RBL1: variants seen among roughly 807,000 people sequenced by gnomAD.
RBL1 encodes the protein retinoblastoma-like protein 1.
In RBL1, 82 loss-of-function variants were observed where a neutral mutation model predicts 123.0. That is an observed-to-expected ratio of 0.67 (90% CI 0.56 to 0.80). The LOEUF is 0.80. Ranked by LOEUF, RBL1 falls within the 30% of genes least tolerant of loss-of-function variation. The pLI is 0.00. For missense variants in RBL1, 1,171 were observed against 1,299.6 expected (o/e 0.90, Z 1.52); for synonymous variants, 405 against 441.3 (o/e 0.92, Z 1.03).
chr20:37,008,271 A>G (rs1018693112), intron 19 of RBL1, among the ~76,000 whole-genome samples: 3 of 152,212 alleles, frequency 2.0e-5, no homozygotes, highest in African/African-American at 7.2e-5. Context: ...AGAAAGGTGG[A>G]AAGATTCTAA....
intron 6 of RBL1, 129 bp downstream of exon 6, chr20:37,066,595 G>A: frequency 1.3e-6 from 1 of 798,592 alleles, no homozygotes; most frequent in Non-Finnish European, 1.9e-6. Context: ...CTGAATCACA[G>A]TAGAGGCTAA....
rs374094594 is a variant in RBL1, at chr20:37,010,760, A to ATGTGTG, written c.2723-3207_2723-3202dup. ...AAACATCATTATATGGCACATGACT[A>ATGTGTG]TGTGTGTGTGTGTGTGTGTGTGTGT... On this transcript the variant is annotated intron_variant, in intron 19 of 21. Transcript: ENST00000373664. Among the ~76,000 whole-genome samples the ATGTGTG allele has an allele frequency of 3.8e-3, 549 of 143,066 alleles. 7 individuals carry two copies. The highest frequency in any genetic ancestry group is 0.014 in the African/African-American group (488 of 35,342). 93.9% of individuals were successfully genotyped at this position (143,066 alleles called of 152,430 possible). A position where few individuals can be genotyped will look rare whatever the true frequency, so the allele number is the denominator to read the frequency against.
chr20:37,058,483 C>T (rs540366112), intron 9 of RBL1, among the ~76,000 whole-genome samples: 27 of 151,040 alleles, frequency 1.8e-4, no homozygotes, highest in Non-Finnish European at 3.7e-4. Context: ...TCATTGCACT[C>T]CAGCCTGGCA....
At chr20:37,003,082 T>G (rs2064013957) in intron 21 of RBL1, among the ~76,000 whole-genome samples, 1 of 152,186 alleles carries the variant, frequency 6.6e-6, no homozygotes, top group Non-Finnish European at 1.5e-5. Context: ...GTTATCTGTA[T>G]AACTGAATAG....
chr20:37,070,201 G>A (rs886100047), intron 2 of RBL1, among the ~76,000 whole-genome samples: 2 of 152,166 alleles, frequency 1.3e-5, no homozygotes, highest in Middle Eastern at 3.2e-3. Context: ...AACAAGTGCT[G>A]TGTCCACTCA....
chr20:37,067,858 G>A (rs962115034), intron 3 of RBL1, 128 bp downstream of exon 3: 1 of 1,082,422 alleles, frequency 9.2e-7, no homozygotes, highest in Non-Finnish European at 1.3e-6. Flanking sequence ...ATTGTACATG[G>A]ATTTAAAAAG....
chr20:37,022,878 A>C, intron 16 of RBL1, 52 bp from the exon 17 acceptor site: 1 of 1,405,002 alleles, frequency 7.1e-7, no homozygotes, highest in Non-Finnish European at 9.8e-7. Flanking sequence ...ATCATTTCTC[A>C]AATTTTTATG....
At chr20:37,002,505 G>A (rs544045410) in intron 21 of RBL1, among the ~76,000 whole-genome samples, 20 of 149,066 alleles carry the variant, frequency 1.3e-4, no homozygotes, top group African/African-American at 4.2e-4. Flanking sequence ...CACCATGCCC[G>A]GCTAATTTTT....
At position 37,083,255 on chromosome 20, in the gene RBL1, G is replaced by A. The variant is rs184346944; in HGVS notation, c.290+5734C>T. Among the ~76,000 whole-genome samples, 18 of 146,110 alleles carry A rather than the reference G, an allele frequency of 1.2e-4. No individual in the cohort carries two copies. The East Asian group carries it at 3.8e-3, about 31-fold the overall frequency. Reference sequence around the variant, plus strand: ...GGCTGAGGCGGGTGGATCACTTGAGGCCAAGAGTTTGAGACCAGCCTGGCC... The same window carrying A: ...GGCTGAGGCGGGTGGATCACTTGAGACCAAGAGTTTGAGACCAGCCTGGCC... On this transcript the variant is annotated intron_variant, in intron 2 of 21. Coordinates refer to ENST00000373664, the MANE Select transcript of RBL1 (RefSeq NM_002895.5).
chr20:37,014,841 A>G (rs1233021058), intron 19 of RBL1, among the ~76,000 whole-genome samples: 1 of 152,036 alleles, frequency 6.6e-6, no homozygotes, highest in Non-Finnish European at 1.5e-5. Flanking sequence ...GGCGGGTGGA[A>G]TACCTGAGAT....
chr20:37,089,249 G>T, intron 1 of RBL1, 127 bp from the exon 2 acceptor site: 1 of 898,350 alleles, frequency 1.1e-6, no homozygotes, highest in Non-Finnish European at 1.6e-6. Context: ...CCAGAGAAGT[G>T]AAGATATTTG....
At chr20:37,001,966 A>G (rs971535162) in intron 21 of RBL1, among the ~76,000 whole-genome samples, 1 of 151,628 alleles carries the variant, frequency 6.6e-6, no homozygotes, top group Non-Finnish European at 1.5e-5. Context: ...TCCAAACCAA[A>G]ACAACTGAAT....
intron 18 of RBL1, among the ~76,000 whole-genome samples, chr20:37,020,275 G>A (rs1415362377): frequency 1.3e-5 from 2 of 151,834 alleles, no homozygotes; most frequent in Non-Finnish European, 2.9e-5. Flanking sequence ...TTTTAGTAGA[G>A]ACAGGGTTTT....
intron 21 of RBL1, among the ~76,000 whole-genome samples, chr20:37,001,014 G>A (rs1384869055): frequency 1.4e-5 from 2 of 142,948 alleles, no homozygotes; most frequent in African/African-American, 5.2e-5. Context: ...GCCCCATCCG[G>A]GAGGGAGGTG....
Position 37,034,639 on chromosome 20 carries a change from T to C in RBL1, c.2170+603A>G, listed in dbSNP as rs184991324. 2.6e-5 allele frequency among the ~76,000 whole-genome samples: 4 copies of C among 152,096 alleles called. No homozygotes were observed. The East Asian group carries it at 7.7e-4, about 29-fold the overall frequency. On this transcript the variant is annotated intron_variant, in intron 15 of 21. Transcript: ENST00000373664. The stretch of plus-strand genomic sequence containing the variant: ...CAGAGGTTGCAGTGAGATGAGATCA[T>C]GCTGCTGTACTCCAATGTGGGTGAC...
In RBL1 at chr20:37,003,860, C is replaced by A. The variant is rs913141865; in HGVS notation, c.2878G>T (p.Ala960Ser). The change falls in exon 21 of 22, where the codon GCT becomes TCT. Residue 960 changes from alanine (A) to serine (S), a missense_variant. By Grantham distance (99) the Ala-to-Ser change is moderately conservative. Transcript: ENST00000373664. The stretch of plus-strand genomic sequence containing the variant: ...TGTGGAAAAGGAGAGAGTGGTGGAG[C>A]ATCCATCTAAAATAACCCAAAAGTC... ...DLANQDHMMD[A>S]PPLSPFPHIK... 1 of 1,603,798 alleles carries A rather than the reference C, an allele frequency of 6.2e-7. No individual in the cohort carries two copies. The highest frequency in any genetic ancestry group is 1.3e-5 in the African/African-American group (1 of 74,522).
Position 37,067,036 on chromosome 20 carries a change from A to G in RBL1, c.642T>C (p.Ile214=). 8.1e-6 allele frequency: 13 copies of G among 1,611,114 alleles called. No homozygotes were observed. Among genetic ancestry groups the G allele is most frequent in the Non-Finnish European group, 1.1e-5 (13 of 1,177,478 alleles). Residue 214 remains isoleucine (I), a synonymous_variant, in exon 5 of 22, where the codon ATT becomes ATC. Transcript: ENST00000373664. Reference sequence around the variant, plus strand: ...GCAAGTCTTGTCTATTTGGGCACATAATCGCATTGGCAAAAATCAGATCCA... The same window carrying G: ...GCAAGTCTTGTCTATTTGGGCACATGATCGCATTGGCAAAAATCAGATCCA... ...CCLDLIFANA[I]MCPNRQDLLN... is the part of the protein sequence containing the mutation.
At position 37,032,817 on chromosome 20, in the gene RBL1, C is replaced by A; in HGVS notation, c.2230G>T (p.Glu744Ter). ...GATACAGGACTCTTGACTTTGGACT[C>A]CTGATTTGTATTCATGGAAAGAGGT... ...LIPLSMNTNQ[E>*]SKVKSPVSLT... Residue 744 changes from glutamate (E) to a stop codon, truncating the protein, a stop_gained, in exon 16 of 22, where the codon GAG becomes TAG. Transcript: ENST00000373664. LOFTEE classifies it high-confidence loss of function. 1 of 1,614,010 alleles carries A rather than the reference C, an allele frequency of 6.2e-7. No individual in the cohort carries two copies. The highest frequency in any genetic ancestry group is 8.5e-7 in the Non-Finnish European group (1 of 1,179,986).
intron 9 of RBL1, among the ~76,000 whole-genome samples, chr20:37,060,335 A>G (rs1461518079): frequency 6.6e-6 from 1 of 152,154 alleles, no homozygotes; most frequent in East Asian, 1.9e-4. Context: ...AAACAAAAAT[A>G]AAAATAAATT....
Sources: allele counts gnomAD v4.1 joint callset (sites outside exome capture counted in the v4.1 genomes callset), GRCh38; gene constraint gnomAD v4.1.1; transcripts MANE v1.5; gene names NCBI Gene and HGNC (gene_info 2026-07-23, HGNC 2026-07-21).